CDH12: variants seen among roughly 807,000 people sequenced by gnomAD.
CDH12 encodes cadherin 12, also known as cadherin-12.
CDH12 carries 41 observed loss-of-function variants against 74.1 expected under a neutral mutation model. That is an observed-to-expected ratio of 0.55 (90% CI 0.43 to 0.72). CDH12 has a LOEUF of 0.72. Among genes scored for constraint, CDH12 ranks in the 30% least tolerant of loss-of-function variants. CDH12 has a pLI of 0.00. For missense variants in CDH12, 945 were observed against 977.2 expected, an observed-to-expected ratio of 0.97 and a Z score of 0.44; for synonymous variants, 399 against 355.0, an observed-to-expected ratio of 1.12 and a Z score of -1.39.
chr5:21,880,310 A>G (rs1037163309), intron 6 of CDH12, among the ~76,000 whole-genome samples: 1 of 152,134 alleles, frequency 6.6e-6, no homozygotes, highest in Non-Finnish European at 1.5e-5. Context: ...TTTCTATAGA[A>G]TCTGTTAGTT....
At chr5:22,250,404 G>C (rs1753097160) in intron 3 of CDH12, among the ~76,000 whole-genome samples, 1 of 152,052 alleles carries the variant, frequency 6.6e-6, no homozygotes, top group African/African-American at 2.4e-5. Context: ...CTGGCGGCTG[G>C]GACCTCAGCT....
intron 2 of CDH12, among the ~76,000 whole-genome samples, chr5:22,453,456 A>G (rs1247187273): frequency 6.6e-6 from 1 of 152,140 alleles, no homozygotes; most frequent in Non-Finnish European, 1.5e-5. Context: ...AATGTAGAGG[A>G]CATTATATTA....
intron 3 of CDH12, among the ~76,000 whole-genome samples, chr5:22,336,831 A>C (rs900232818): frequency 6.6e-6 from 1 of 152,190 alleles, no homozygotes; most frequent in African/African-American, 2.4e-5. Flanking sequence ...CTATTGGGGC[A>C]CTGCCCAGTG....
At chr5:21,788,336 T>C (rs555683501) in intron 10 of CDH12, among the ~76,000 whole-genome samples, 13 of 152,202 alleles carry the variant, frequency 8.5e-5, no homozygotes, top group Non-Finnish European at 1.5e-4. Context: ...AGGGGAGGAA[T>C]AGACGGTGTT....
intron 4 of CDH12, among the ~76,000 whole-genome samples, chr5:22,130,342 G>A (rs932445766): frequency 3.6e-4 from 54 of 152,094 alleles, no homozygotes; most frequent in Non-Finnish European, 4.0e-4. Flanking sequence ...CTGGATGATC[G>A]TGACTTTTTT....
intron 1 of CDH12, among the ~76,000 whole-genome samples, chr5:22,581,931 C>A (rs1580786360): frequency 6.6e-6 from 1 of 152,258 alleles, no homozygotes; most frequent in Non-Finnish European, 1.5e-5. Context: ...CTAACAAGAA[C>A]TTTTATCTCC....
At chr5:22,524,189 G>T (rs1419005205) in intron 1 of CDH12, among the ~76,000 whole-genome samples, 2 of 151,894 alleles carry the variant, frequency 1.3e-5, no homozygotes, top group Admixed American at 1.3e-4. Context: ...GCACCATGTT[G>T]TTGCCCAGGC....
rs3039460 is a variant in CDH12, at chr5:22,460,713, A to ATTTTTTTTTT, written c.-428+44547_-428+44556dup. Among the ~76,000 whole-genome samples, 298 of 85,598 alleles carry ATTTTTTTTTT rather than the reference A, an allele frequency of 3.5e-3. 29 individuals are homozygous for ATTTTTTTTTT. Among genetic ancestry groups the ATTTTTTTTTT allele is most frequent in the African/African-American group, 0.014 (278 of 19,764 alleles). 56.2% of individuals were successfully genotyped at this position (85,598 alleles called of 152,430 possible). The stretch of plus-strand genomic sequence containing the variant: ...AGAGAACAGTTGATGATATCTAGCA[A>ATTTTTTTTTT]TTTTTTTTTTTTTTTTTTTTTTTTT... On this transcript the variant is annotated intron_variant, in intron 2 of 14. Coordinates refer to ENST00000382254, the MANE Select transcript of CDH12 (RefSeq NM_004061.5).
chr5:22,372,058 C>T lies in CDH12; in HGVS notation c.-333+33199G>A, dbSNP rs1408910478. Among the ~76,000 whole-genome samples the T allele has an allele frequency of 3.9e-5, 6 of 152,262 alleles. No homozygotes were observed. In the South Asian group the frequency reaches 1.0e-3, roughly 26 times the overall value. On this transcript the variant is annotated intron_variant, in intron 3 of 14. Transcript: ENST00000382254. ...CTAGTTAAGACAAGAGGCTAATACA[C>T]GTCACTGGTCCAGGTCACTGAACTA... is the stretch of plus-strand genomic sequence containing the variant.
intron 5 of CDH12, among the ~76,000 whole-genome samples, chr5:21,992,813 G>GTATTTT (rs1757808646): frequency 6.6e-6 from 1 of 152,072 alleles, no homozygotes; most frequent in Admixed American, 6.6e-5. Flanking sequence ...AAAACTTGAT[G>GTATTTT]TATTAGTCCA....
intron 3 of CDH12, among the ~76,000 whole-genome samples, chr5:22,369,406 C>T (rs544494127): frequency 7.2e-4 from 110 of 152,080 alleles, no homozygotes; most frequent in African/African-American, 2.6e-3. Flanking sequence ...CATTTTTCCA[C>T]CATTTTTTTC....
In CDH12 at chr5:22,397,846, A is replaced by G. The variant is rs1742529579; in HGVS notation, c.-333+7411T>C. On this transcript the variant is annotated intron_variant, in intron 3 of 14. Coordinates refer to ENST00000382254, the MANE Select transcript of CDH12 (RefSeq NM_004061.5). ...ATCCAATATGATTGATGCCCTTATA[A>G]GTCAGGAGGAATTTAGGACATATGC... 2.0e-5 allele frequency among the ~76,000 whole-genome samples: 3 copies of G among 152,074 alleles called. No individual in the cohort carries two copies. The South Asian group carries it at 6.2e-4, about 31-fold the overall frequency.
chr5:22,143,611 C>G (rs1328434375), intron 4 of CDH12: 1 of 152,294 alleles, frequency 6.6e-6, no homozygotes, highest in Admixed American at 6.6e-5. Context: ...TCGTGATCCA[C>G]CTGCCTCGGC....
rs114604631 is a variant in CDH12 at position 22,048,008 on chromosome 5, G to A, written c.231+30438C>T. On this transcript the variant is annotated intron_variant, in intron 5 of 14. Coordinates refer to ENST00000382254, the MANE Select transcript of CDH12 (RefSeq NM_004061.5). Reference sequence around the variant, plus strand: ...CATATTGTTTTCTCCGTATGAATGTGTTCTATGGAGGGCTGTCAAGTGGGA... The same window carrying A: ...CATATTGTTTTCTCCGTATGAATGTATTCTATGGAGGGCTGTCAAGTGGGA... Among the ~76,000 whole-genome samples the A allele has an allele frequency of 3.7e-3, 558 of 152,242 alleles. 6 individuals are homozygous for A. Among genetic ancestry groups the A allele is most frequent in the African/African-American group, 0.013 (522 of 41,540 alleles).
intron 5 of CDH12, among the ~76,000 whole-genome samples, chr5:22,024,798 G>C (rs2150165592): frequency 6.6e-6 from 1 of 152,244 alleles, no homozygotes; most frequent in East Asian, 1.9e-4. Flanking sequence ...ACAGCTGTGA[G>C]CCACCATGCC....
chr5:22,712,491 T>C (rs1256127646), intron 1 of CDH12, among the ~76,000 whole-genome samples: 1 of 20,376 alleles, frequency 4.9e-5, no homozygotes, highest in African/African-American at 7.2e-5. Context: ...TGTTCCTGGA[T>C]CATTTCTATA....
intron 2 of CDH12, among the ~76,000 whole-genome samples, chr5:22,482,175 T>C (rs1187598011): frequency 2.0e-5 from 3 of 152,120 alleles, no homozygotes; most frequent in African/African-American, 7.2e-5. Flanking sequence ...AGAGTCCTAA[T>C]TTTATATGTT....
chr5:22,176,303 T>TC (rs1457023833), intron 4 of CDH12, among the ~76,000 whole-genome samples: 2 of 152,144 alleles, frequency 1.3e-5, no homozygotes, highest in Admixed American at 6.6e-5. Flanking sequence ...TTGCTTTGTT[T>TC]CTTTTTTTGA....
At chr5:22,217,132 G>A (rs773025220) in intron 3 of CDH12, among the ~76,000 whole-genome samples, 1 of 151,634 alleles carries the variant, frequency 6.6e-6, no homozygotes, top group Non-Finnish European at 1.5e-5. Context: ...TTCATAGTTC[G>A]AGTAATTAAA....
Sources: gnomAD v4.1 joint callset for allele counts (sites outside exome capture counted in the v4.1 genomes callset) on GRCh38, gnomAD v4.1.1 for gene constraint, MANE v1.5 for transcripts, NCBI Gene and HGNC (gene_info 2026-07-23, HGNC 2026-07-21) for gene names.